The following DMRT1 variants were observed in gnomAD, a reference collection of about 807,000 sequenced individuals.
DMRT1 encodes the protein doublesex and mab-3 related transcription factor 1, also known as doublesex- and mab-3-related transcription factor 1.
In DMRT1, 7 loss-of-function variants were observed where a neutral mutation model predicts 32.3. The observed-to-expected ratio is 0.22, with a 90% confidence interval of 0.12 to 0.41. DMRT1 has a LOEUF of 0.41. DMRT1 is among the 10% of genes least tolerant of loss of function. The pLI, the probability that DMRT1 is intolerant of heterozygous loss-of-function variation, is 1.00. For synonymous variants in DMRT1, 278 were observed against 206.1 expected (o/e 1.35, Z -2.99); for missense variants, 625 against 500.5 (o/e 1.25, Z -2.37).
At chr9:857,742 C>T (rs868293445) in intron 2 of DMRT1, among the ~76,000 whole-genome samples, 10 of 151,054 alleles carry the variant, frequency 6.6e-5, no homozygotes, top group South Asian at 2.1e-4. Flanking sequence ...CATCATTTAA[C>T]ATTAGGTATA....
intron 3 of DMRT1, among the ~76,000 whole-genome samples, chr9:898,882 C>T (rs1021976880): frequency 1.3e-5 from 2 of 152,158 alleles, no homozygotes; most frequent in African/African-American, 4.8e-5. Flanking sequence ...GACATTTTAG[C>T]CATATTAATT....
intron 3 of DMRT1, among the ~76,000 whole-genome samples, chr9:898,455 G>C (rs1422804639): frequency 6.6e-6 from 1 of 152,172 alleles, no homozygotes; most frequent in Non-Finnish European, 1.5e-5. Context: ...CAGAGATCTG[G>C]ATGGCAGTCT....
chr9:877,641 A>G (rs1816558977), intron 2 of DMRT1, among the ~76,000 whole-genome samples: 1 of 152,216 alleles, frequency 6.6e-6, no homozygotes. Context: ...ATGGAATTGT[A>G]TATATTGAAT....
At chr9:875,951 T>C (rs58320424) in intron 2 of DMRT1, among the ~76,000 whole-genome samples, 2,931 of 152,200 alleles carry the variant, frequency 0.019, 95 homozygotes, top group African/African-American at 0.066. Context: ...AGGTGCCACA[T>C]GTGATTGGCA....
chr9:960,639 C>A (rs1819741894), intron 4 of DMRT1, among the ~76,000 whole-genome samples: 1 of 152,202 alleles, frequency 6.6e-6, no homozygotes, highest in African/African-American at 2.4e-5. Context: ...TCTTTCTGGA[C>A]AATTCTCAGA....
chr9:877,601 C>T (rs987411313), intron 2 of DMRT1, among the ~76,000 whole-genome samples: 4 of 152,296 alleles, frequency 2.6e-5, no homozygotes, highest in African/African-American at 9.6e-5. Flanking sequence ...AACAGAACTC[C>T]TCCTCCCATT....
chr9:841,848 G>T lies in DMRT1; in HGVS notation c.10G>T (p.Asp4Tyr). MPN[D>Y]EAFSKPSTPS... Reference sequence around the variant, plus strand: ...TTCTCCTAGGGGCACCATGCCCAACGACGAGGCATTCAGCAAGCCCTCTAC... The same window carrying T: ...TTCTCCTAGGGGCACCATGCCCAACTACGAGGCATTCAGCAAGCCCTCTAC... Residue 4 changes from aspartate to tyrosine, a missense_variant, in exon 1 of 5, where the codon GAC (aspartate) becomes TAC (tyrosine). Transcript: ENST00000382276. 6.2e-7 allele frequency: 1 copy of T among 1,612,044 alleles called. No individual in the cohort carries two copies. The highest frequency in any genetic ancestry group is 8.5e-7 in the Non-Finnish European group (1 of 1,179,346).
chr9:867,868 CTG>C (rs760564892), intron 2 of DMRT1, among the ~76,000 whole-genome samples: 1 of 152,202 alleles, frequency 6.6e-6, no homozygotes, highest in Admixed American at 6.5e-5. Context: ...TCTGTAAGTG[CTG>C]TGTTATTAAC....
intron 2 of DMRT1, among the ~76,000 whole-genome samples, chr9:867,359 A>T (rs553931288): frequency 6.6e-6 from 1 of 152,344 alleles, no homozygotes; most frequent in Non-Finnish European, 1.5e-5. Flanking sequence ...CTGGGAAGCC[A>T]GGAGAGCGGG....
intron 2 of DMRT1, among the ~76,000 whole-genome samples, chr9:879,832 A>G (rs368564142): frequency 6.6e-6 from 1 of 152,152 alleles, no homozygotes; most frequent in South Asian, 2.1e-4. Context: ...AACATTATGC[A>G]TTGGTCATTT....
chr9:922,069 A>G (rs1313132900), intron 4 of DMRT1, among the ~76,000 whole-genome samples: 1 of 151,914 alleles, frequency 6.6e-6, no homozygotes, highest in African/African-American at 2.4e-5. Context: ...CTGTAGAAAC[A>G]GAGTTTTGCC....
chr9:950,019 A>T (rs912029951), intron 4 of DMRT1, among the ~76,000 whole-genome samples: 2 of 152,160 alleles, frequency 1.3e-5, no homozygotes, highest in Non-Finnish European at 2.9e-5. Context: ...GCTGCAGTAA[A>T]TATGGGTGTG....
intron 4 of DMRT1, among the ~76,000 whole-genome samples, chr9:928,979 A>AG (rs1818621083): frequency 6.6e-6 from 1 of 152,016 alleles, no homozygotes; most frequent in Admixed American, 6.6e-5. Flanking sequence ...CTGGGACTAC[A>AG]GGTGCATGCT....
intron 3 of DMRT1, among the ~76,000 whole-genome samples, chr9:911,717 C>G (rs534127390): frequency 6.6e-6 from 1 of 151,978 alleles, no homozygotes; most frequent in Non-Finnish European, 1.5e-5. Flanking sequence ...GTCTTGAACT[C>G]CTGACCTCAG....
chr9:877,294 C>G (rs528889708), intron 2 of DMRT1, among the ~76,000 whole-genome samples: 11 of 152,234 alleles, frequency 7.2e-5, no homozygotes, highest in South Asian at 2.1e-4. Flanking sequence ...CTCTGCTGAA[C>G]AGGTTTTGAA....
intron 1 of DMRT1, among the ~76,000 whole-genome samples, chr9:843,116 C>T (rs180895398): frequency 6.6e-6 from 1 of 152,176 alleles, no homozygotes; most frequent in South Asian, 2.1e-4. Flanking sequence ...CTCGAGCGTC[C>T]CCAGAATCTC....
intron 2 of DMRT1, among the ~76,000 whole-genome samples, chr9:868,055 G>A (rs1816068870): frequency 6.6e-6 from 1 of 152,156 alleles, no homozygotes; most frequent in East Asian, 1.9e-4. Context: ...ACAGCTCACT[G>A]CAGCCTTGAC....
At chr9:889,343 G>A (rs534522872) in intron 2 of DMRT1, among the ~76,000 whole-genome samples, 179 of 152,278 alleles carry the variant, frequency 1.2e-3, no homozygotes, top group African/African-American at 4.2e-3. Context: ...TTTTAACAGC[G>A]TAAAGGCAGA....
intron 2 of DMRT1, among the ~76,000 whole-genome samples, chr9:891,293 A>T (rs1181989715): frequency 2.0e-5 from 3 of 151,720 alleles, no homozygotes; most frequent in African/African-American, 7.2e-5. Flanking sequence ...CTTAAAAAAA[A>T]TACAAAAATC....
Sources: gnomAD v4.1 joint callset for allele counts (sites outside exome capture counted in the v4.1 genomes callset) on GRCh38, gnomAD v4.1.1 for gene constraint, MANE v1.5 for transcripts, NCBI Gene and HGNC (gene_info 2026-07-23, HGNC 2026-07-21) for gene names.